Variants in CNTN4 observed in about 807,000 individuals in gnomAD.
The protein encoded by CNTN4 is contactin-4.
In CNTN4, 77 loss-of-function variants were observed where a neutral mutation model predicts 122.5. The observed-to-expected ratio is 0.63, with a 90% confidence interval of 0.52 to 0.76. The LOEUF (loss-of-function observed/expected upper bound fraction) is 0.76. CNTN4 is among the 30% of genes least tolerant of loss of function. The pLI, the probability that CNTN4 is intolerant of heterozygous loss-of-function variation, is 0.00. For synonymous variants in CNTN4, 512 were observed against 447.0 expected, an observed-to-expected ratio of 1.15 and a Z score of -1.83; for missense variants, 1,256 against 1,259.1, an observed-to-expected ratio of 1.00 and a Z score of 0.04.
intron 4 of CNTN4, among the ~76,000 whole-genome samples, chr3:2,694,671 G>C (rs1038116333): frequency 5.3e-5 from 8 of 152,198 alleles, no homozygotes; most frequent in Admixed American, 3.3e-4. Flanking sequence ...AGAGGTTGCA[G>C]TGAGCTAAGG....
chr3:2,900,734 A>C lies in CNTN4; in HGVS notation c.990A>C (p.Glu330Asp). The change falls in exon 11 of 25, where the codon GAA (glutamate) becomes GAC (aspartate). Residue 330 changes from glutamate to aspartate, a missense_variant. Glu to Asp is a conservative substitution (Grantham distance 45). Transcript: ENST00000418658. ...TAAATGATATTCACGTGGCCATGGA[A>C]GAAAATGTCTTTTGGGAATGTAAAG... Reference protein sequence around the residue: ...QKINDIHVAMEENVFWECKAN... With the variant: ...QKINDIHVAMDENVFWECKAN... The C allele has an allele frequency of 6.2e-7, 1 of 1,613,968 alleles. No homozygotes were observed. Among genetic ancestry groups the C allele is most frequent in the South Asian group, 1.1e-5 (1 of 91,088 alleles).
At chr3:3,014,877 T>C (rs1297112721) in intron 14 of CNTN4, among the ~76,000 whole-genome samples, 1 of 78,828 alleles carries the variant, frequency 1.3e-5, no homozygotes, top group Non-Finnish European at 2.3e-5. Flanking sequence ...GACCCTCGAT[T>C]GGTTTTTTTT....
At chr3:2,333,137 G>C (rs2043805377) in intron 2 of CNTN4, among the ~76,000 whole-genome samples, 1 of 152,164 alleles carries the variant, frequency 6.6e-6, no homozygotes, top group South Asian at 2.1e-4. Flanking sequence ...CCTTACAACT[G>C]ATGAGCAGCA....
intron 2 of CNTN4, among the ~76,000 whole-genome samples, chr3:2,296,955 A>T (rs1210874518): frequency 1.3e-5 from 2 of 152,210 alleles, no homozygotes; most frequent in Non-Finnish European, 2.9e-5. Context: ...GAAAAGAACT[A>T]GGTGACATTA....
At chr3:2,918,672 G>A (rs1337135279) in intron 12 of CNTN4, among the ~76,000 whole-genome samples, 1 of 152,114 alleles carries the variant, frequency 6.6e-6, no homozygotes, top group Non-Finnish European at 1.5e-5. Context: ...TTATTGTTTT[G>A]TTTTATTTAG....
intron 6 of CNTN4, among the ~76,000 whole-genome samples, chr3:2,749,883 A>C (rs1252578200): frequency 6.6e-6 from 1 of 152,200 alleles, no homozygotes; most frequent in African/African-American, 2.4e-5. Context: ...TGAATTAATA[A>C]AAGTGAGGCA....
intron 13 of CNTN4, among the ~76,000 whole-genome samples, chr3:2,970,348 C>T (rs1252808668): frequency 6.6e-6 from 1 of 152,182 alleles, no homozygotes; most frequent in Non-Finnish European, 1.5e-5. Flanking sequence ...CTTACTGCCT[C>T]AGCTTCCCAA....
At chr3:2,213,818 T>G (rs79580652) in intron 2 of CNTN4, among the ~76,000 whole-genome samples, 3,117 of 152,278 alleles carry the variant, frequency 0.02, 100 homozygotes, top group African/African-American at 0.071. Flanking sequence ...GAATCTGTTG[T>G]GGATGTGTTT....
chr3:2,824,042 C>T (rs562601116), intron 7 of CNTN4, among the ~76,000 whole-genome samples: 245 of 152,002 alleles, frequency 1.6e-3, no homozygotes, highest in Non-Finnish European at 2.3e-3. Flanking sequence ...CACCTCTGGG[C>T]AGTGAGGGTT....
intron 4 of CNTN4, among the ~76,000 whole-genome samples, chr3:2,585,023 A>G (rs897141288): frequency 9.9e-5 from 15 of 152,184 alleles, no homozygotes; most frequent in Admixed American, 9.8e-4. Context: ...TTTGAACTAG[A>G]TAATTTTAAA....
intron 14 of CNTN4, among the ~76,000 whole-genome samples, chr3:3,006,146 G>C (rs556091879): frequency 1.3e-5 from 2 of 152,210 alleles, no homozygotes; most frequent in African/African-American, 4.8e-5. Context: ...AAGGTGCTGG[G>C]ATTACAGGCA....
rs9873809 is a variant in CNTN4, at chr3:2,430,913, G to A, written c.-89+91680G>A. The stretch of plus-strand genomic sequence containing the variant: ...CTCATGGGTCTTCCAAGTTCCTGAT[G>A]AAAATTAGAATTGAATCATAATGCT... On this transcript the variant is annotated intron_variant, in intron 3 of 24. Transcript: ENST00000418658. 6.6e-3 allele frequency among the ~76,000 whole-genome samples: 1,004 copies of A among 152,250 alleles called. 17 individuals are homozygous for A. Among genetic ancestry groups the A allele is most frequent in the African/African-American group, 0.022 (932 of 41,542 alleles).
intron 2 of CNTN4, among the ~76,000 whole-genome samples, chr3:2,192,153 A>T (rs2149343433): frequency 6.6e-6 from 1 of 152,118 alleles, no homozygotes; most frequent in African/African-American, 2.4e-5. Context: ...GGTTGGTTCC[A>T]AGTCTTTGCT....
chr3:2,914,189 T>C (rs2094330422), intron 12 of CNTN4, among the ~76,000 whole-genome samples: 1 of 152,058 alleles, frequency 6.6e-6, no homozygotes, highest in South Asian at 2.1e-4. Context: ...TGATACATGC[T>C]TACATTAAAA....
chr3:2,258,828 C>T (rs1486462059), intron 2 of CNTN4, among the ~76,000 whole-genome samples: 1 of 151,954 alleles, frequency 6.6e-6, no homozygotes, highest in South Asian at 2.1e-4. Context: ...TTATTTCTCT[C>T]CCATTGAAAT....
At chr3:2,740,324 C>A (rs1049661331) in intron 5 of CNTN4, among the ~76,000 whole-genome samples, 5 of 152,168 alleles carry the variant, frequency 3.3e-5, no homozygotes, top group African/African-American at 1.2e-4. Flanking sequence ...TGCACCACTA[C>A]ATTCCATCAT....
intron 4 of CNTN4, among the ~76,000 whole-genome samples, chr3:2,580,837 A>T (rs1312516654): frequency 6.6e-6 from 1 of 152,170 alleles, no homozygotes; most frequent in Non-Finnish European, 1.5e-5. Flanking sequence ...CCTCTGGGAG[A>T]GGTATTATCC....
intron 2 of CNTN4, among the ~76,000 whole-genome samples, chr3:2,164,238 A>AC (rs2036094669): frequency 1.3e-5 from 2 of 152,164 alleles, no homozygotes; most frequent in Non-Finnish European, 2.9e-5. Context: ...GAGGAAAAAA[A>AC]AAACAACAAC....
intron 2 of CNTN4, among the ~76,000 whole-genome samples, chr3:2,207,910 A>G (rs1007486139): frequency 3.9e-5 from 6 of 152,148 alleles, no homozygotes; most frequent in African/African-American, 9.7e-5. Context: ...GTTGAGGCCA[A>G]TGCTCATTGA....
Sources: gnomAD v4.1 joint callset for allele counts (sites outside exome capture counted in the v4.1 genomes callset) on GRCh38, gnomAD v4.1.1 for gene constraint, MANE v1.5 for transcripts, NCBI Gene and HGNC (gene_info 2026-07-23, HGNC 2026-07-21) for gene names.